INSC: variants seen among roughly 807,000 people sequenced by gnomAD.
INSC encodes the protein protein inscuteable homolog.
INSC carries 67 observed loss-of-function variants against 58.6 expected under a neutral mutation model. The observed-to-expected ratio is 1.14, with a 90% CI of 0.94 to 1.40. The LOEUF (loss-of-function observed/expected upper bound fraction) is 1.40. INSC is among the 40% of genes most tolerant of loss of function. The probability of loss-of-function intolerance (pLI) is 0.00; values close to 1 mark genes in which losing one functional copy is unlikely to be tolerated. For synonymous variants in INSC, 262 were observed against 276.1 expected, an observed-to-expected ratio of 0.95 and a Z score of 0.51; for missense variants, 714 against 692.0, an observed-to-expected ratio of 1.03 and a Z score of -0.36.
chr11:15,137,753 C>T (rs1343358797), intron 1 of INSC, among the ~76,000 whole-genome samples: 4 of 152,226 alleles, frequency 2.6e-5, no homozygotes, highest in Non-Finnish European at 5.9e-5. Context: ...ATCCAGACCA[C>T]TCAAACTTCC....
the INSC span, among the ~76,000 whole-genome samples, chr11:15,252,627 C>G: frequency 6.6e-6 from 1 of 152,114 alleles, no homozygotes; most frequent in Admixed American, 6.6e-5. Flanking sequence ...CCGATAGAAT[C>G]TATCCTTTTT....
intron 5 of INSC, among the ~76,000 whole-genome samples, chr11:15,187,172 C>A (rs966448568): frequency 6.6e-6 from 1 of 152,152 alleles, no homozygotes; most frequent in Non-Finnish European, 1.5e-5. Flanking sequence ...TCAGGGCTCC[C>A]AAAACAGTGT....
At chr11:15,200,754 C>G in intron 6 of INSC, 70 bp from the exon 7 acceptor site, 1 of 1,600,732 alleles carries the variant, frequency 6.2e-7, no homozygotes, top group Non-Finnish European at 8.5e-7. Flanking sequence ...TCAGGGATGT[C>G]ACTTATTCTT....
intron 2 of INSC, among the ~76,000 whole-genome samples, chr11:15,156,691 A>G (rs1163706333): frequency 6.6e-6 from 1 of 152,242 alleles, no homozygotes; most frequent in Non-Finnish European, 1.5e-5. Context: ...CTCCATCTGT[A>G]GAATGGGGAT....
intron 2 of INSC, among the ~76,000 whole-genome samples, chr11:15,166,723 C>T (rs1307790410): frequency 6.6e-6 from 1 of 152,176 alleles, no homozygotes; most frequent in Non-Finnish European, 1.5e-5. Flanking sequence ...TTTATTGATA[C>T]CTACTGTGTG....
chr11:15,269,147 C>T, the INSC span, among the ~76,000 whole-genome samples: 1 of 152,002 alleles, frequency 6.6e-6, no homozygotes, highest in African/African-American at 2.4e-5. Flanking sequence ...ATATCTATTT[C>T]ATTAAATAGT....
chr11:15,169,763 G>GTC (rs1186974124), intron 2 of INSC, among the ~76,000 whole-genome samples: 1 of 152,036 alleles, frequency 6.6e-6, no homozygotes, highest in Admixed American at 6.5e-5. Context: ...GGCTAGGCTG[G>GTC]TCTCGAATAG....
chr11:15,239,321 A>G (rs190528705), intron 11 of INSC, among the ~76,000 whole-genome samples: 1 of 152,276 alleles, frequency 6.6e-6, no homozygotes, highest in Non-Finnish European at 1.5e-5. Context: ...TCACCTGCAG[A>G]CTGTTAATAA....
Position 15,177,170 on chromosome 11 carries a change from T to A in INSC, c.455+7T>A. On this transcript the variant is annotated splice_region_variant and intron_variant, in intron 4 of 12. Transcript: ENST00000379556. ...TCTCGGCAGTCACAGAGAGGTAAATTTGGACCATAGATCTCCCAGGGTCTG... is the reference window on the plus strand; with the variant it reads ...TCTCGGCAGTCACAGAGAGGTAAATATGGACCATAGATCTCCCAGGGTCTG... 3 of 1,613,404 alleles carry A rather than the reference T, an allele frequency of 1.9e-6. No homozygotes were observed. Among genetic ancestry groups the A allele is most frequent in the East Asian group, 4.5e-5 (2 of 44,864 alleles).
At chr11:15,138,289 C>T (rs1442847038) in intron 1 of INSC, among the ~76,000 whole-genome samples, 2 of 152,154 alleles carry the variant, frequency 1.3e-5, no homozygotes, top group Admixed American at 1.3e-4. Flanking sequence ...AAGTGTGACA[C>T]AGAGACATAA....
upstream of INSC, among the ~76,000 whole-genome samples, chr11:15,113,491 G>A (rs1026315650): frequency 4.6e-5 from 7 of 152,270 alleles, no homozygotes; most frequent in Admixed American, 6.5e-5. Flanking sequence ...CTGCCCTACC[G>A]GAAACAGACT....
intron 7 of INSC, among the ~76,000 whole-genome samples, chr11:15,212,100 T>C (rs1470301225): frequency 2.0e-5 from 3 of 152,282 alleles, no homozygotes; most frequent in Non-Finnish European, 4.4e-5. Flanking sequence ...TTTTTGGAAA[T>C]TGACATAGTT....
chr11:15,159,586 A>G (rs1351703194), intron 2 of INSC, among the ~76,000 whole-genome samples: 1 of 152,254 alleles, frequency 6.6e-6, no homozygotes, highest in African/African-American at 2.4e-5. Flanking sequence ...ACAGTACTGC[A>G]CATGACATTG....
rs538418396 is a variant in INSC at position 15,115,796 on chromosome 11, A to G, written c.-46+793A>G. On this transcript the variant is annotated intron_variant, in intron 1 of 12. Transcript: ENST00000379556. ...ACACTCTTCTCAGGATAGCCATGCA[A>G]CCATTCACACTTTCAACATGTATAC... Among the ~76,000 whole-genome samples the G allele has an allele frequency of 1.7e-3, 262 of 152,326 alleles. 2 individuals carry two copies. Among genetic ancestry groups the G allele is most frequent in the Non-Finnish European group, 3.0e-3 (202 of 68,032 alleles).
chr11:15,260,357 T>G, the INSC span, among the ~76,000 whole-genome samples: 2 of 152,298 alleles, frequency 1.3e-5, no homozygotes, highest in African/African-American at 4.8e-5. Context: ...AATGTAATGA[T>G]CTAATTTATT....
intron 2 of INSC, among the ~76,000 whole-genome samples, chr11:15,163,190 G>A (rs1163744356): frequency 6.6e-6 from 1 of 152,120 alleles, no homozygotes; most frequent in African/African-American, 2.4e-5. Context: ...TTTTAAATAT[G>A]TAACTCTACT....
intron 12 of INSC, among the ~76,000 whole-genome samples, chr11:15,244,073 C>T (rs919064426): frequency 2.6e-5 from 4 of 152,118 alleles, no homozygotes; most frequent in African/African-American, 9.7e-5. Flanking sequence ...CTATTTCGCT[C>T]TGTCTCCTTG....
intron 2 of INSC, among the ~76,000 whole-genome samples, chr11:15,157,603 AG>A: frequency 6.6e-6 from 1 of 152,250 alleles, no homozygotes; most frequent in East Asian, 1.9e-4. Context: ...CCAGTAGGAG[AG>A]GTGGAGCCCA....
At chr11:15,262,399 T>G in the INSC span, among the ~76,000 whole-genome samples, 1 of 152,196 alleles carries the variant, frequency 6.6e-6, no homozygotes, top group Non-Finnish European at 1.5e-5. Context: ...TGCATAATAC[T>G]TTTGGATGAA....
Sources: allele counts gnomAD v4.1 joint callset (sites outside exome capture counted in the v4.1 genomes callset), GRCh38; gene constraint gnomAD v4.1.1; transcripts MANE v1.5; gene names NCBI Gene and HGNC (gene_info 2026-07-23, HGNC 2026-07-21).